Variants in CD2AP observed in about 807,000 individuals in gnomAD.
CD2AP encodes the protein CD2-associated protein.
In CD2AP, 46 loss-of-function variants were observed where a neutral mutation model predicts 85.1. That is an observed-to-expected ratio of 0.54 (90% CI 0.43 to 0.69). The LOEUF (loss-of-function observed/expected upper bound fraction) is 0.69, where lower values mean the gene tolerates loss of function less well. Ranked by LOEUF, CD2AP falls within the 30% of genes least tolerant of loss-of-function variation. The probability of loss-of-function intolerance (pLI) is 0.00; values close to 1 mark genes in which losing one functional copy is unlikely to be tolerated. For missense variants in CD2AP, 769 were observed against 729.5 expected, an observed-to-expected ratio of 1.05 and a Z score of -0.62; for synonymous variants, 255 against 252.9, an observed-to-expected ratio of 1.01 and a Z score of -0.08.
chr6:47,626,075 A>G lies in CD2AP; in HGVS notation c.*1848A>G, dbSNP rs893602464. On this transcript the variant is annotated 3_prime_UTR_variant, in exon 18 of 18. Coordinates refer to ENST00000359314, the MANE Select transcript of CD2AP (RefSeq NM_012120.3). Reference sequence around the variant, plus strand: ...CTCCAGCTTTCTCACCTGAAAATCTATTGAAGTGATCCCTGGTCATCCTAA... The same window carrying G: ...CTCCAGCTTTCTCACCTGAAAATCTGTTGAAGTGATCCCTGGTCATCCTAA... 10 of 151,930 alleles carry G rather than the reference A, an allele frequency of 6.6e-5. No homozygotes were observed. Among genetic ancestry groups the G allele is most frequent in the African/African-American group, 9.7e-5 (4 of 41,424 alleles). 9.4% of individuals were successfully genotyped at this position (151,930 alleles called of 1,614,324 possible).
At chr6:47,606,345 G>A (rs1769270165) in intron 14 of CD2AP, 68 bp downstream of exon 14, 7 of 909,206 alleles carry the variant, frequency 7.7e-6, no homozygotes, top group South Asian at 5.3e-5. Context: ...GAAGATAGAG[G>A]ACTTATAGCT....
In CD2AP at chr6:47,505,443, C is replaced by G. The variant is rs77900302; in HGVS notation, c.165+2003C>G. 6.0e-5 allele frequency among the ~76,000 whole-genome samples: 9 copies of G among 150,818 alleles called. No individual in the cohort carries two copies. In the South Asian group the frequency reaches 8.5e-4, roughly 14 times the overall value. On this transcript the variant is annotated intron_variant, in intron 2 of 17. Transcript: ENST00000359314. ...ATGTCTACCTCTTTCTACACAGACA[C>G]GGCAACCATCCGATTTCTCAATCTC...
rs1379049104 is a variant in CD2AP, at chr6:47,609,180, C to T, written c.1690C>T (p.Leu564=). ...TTCTAAAGCAAATACAACTGCTTTCCTGACTCCATTAGAAATCAAAGCTAA... is the reference window on the plus strand; with the variant it reads ...TTCTAAAGCAAATACAACTGCTTTCTTGACTCCATTAGAAATCAAAGCTAA... ...SASKANTTAF[L]TPLEIKAKVE... The change falls in exon 16 of 18, where the codon CTG becomes TTG. Residue 564 remains leucine (L), a synonymous_variant. Coordinates refer to ENST00000359314, the MANE Select transcript of CD2AP (RefSeq NM_012120.3). The T allele has an allele frequency of 3.1e-6, 5 of 1,613,134 alleles. No homozygotes were observed. The African/African-American group carries it at 4.0e-5, about 13-fold the overall frequency.
chr6:47,517,893 T>C (rs971932801), intron 2 of CD2AP, among the ~76,000 whole-genome samples: 3 of 152,206 alleles, frequency 2.0e-5, no homozygotes, highest in African/African-American at 7.2e-5. Context: ...AGATGATGTA[T>C]TAAGCGTTTA....
At position 47,529,198 on chromosome 6, in the gene CD2AP, C is replaced by G. The variant is rs939847051; in HGVS notation, c.166-4404C>G. Among the ~76,000 whole-genome samples, 56 of 84,556 alleles carry G rather than the reference C, an allele frequency of 6.6e-4. 1 individual carries two copies. Among genetic ancestry groups the G allele is most frequent in the Admixed American group, 2.0e-3 (18 of 9,148 alleles). 55.5% of individuals were successfully genotyped at this position (84,556 alleles called of 152,430 possible). On this transcript the variant is annotated intron_variant, in intron 2 of 17. Transcript: ENST00000359314. Reference sequence around the variant, plus strand: ...CTCTAGTACTGCCCCCCCCCCCCCCCCCAACTTATTGCACTATGGCAGCAT... The same window carrying G: ...CTCTAGTACTGCCCCCCCCCCCCCCGCCAACTTATTGCACTATGGCAGCAT...
intron 17 of CD2AP, 61 bp downstream of exon 17, chr6:47,612,597 A>G (rs1769474775): frequency 1.7e-6 from 2 of 1,172,154 alleles, no homozygotes; most frequent in African/African-American, 1.5e-5. Flanking sequence ...GTTTTTCCCA[A>G]CCCAACTGGG....
At chr6:47,552,299 C>G (rs1298641531) in intron 4 of CD2AP, among the ~76,000 whole-genome samples, 1 of 151,552 alleles carries the variant, frequency 6.6e-6, no homozygotes, top group African/African-American at 2.4e-5. Context: ...CTTGCCACCC[C>G]CATTCTTTCC....
At position 47,569,301 on chromosome 6, in the gene CD2AP, A is replaced by G. The variant is rs188715589; in HGVS notation, c.542-4763A>G. Among the ~76,000 whole-genome samples the G allele has an allele frequency of 2.5e-3, 381 of 152,220 alleles. 1 individual carries two copies. The highest frequency in any genetic ancestry group is 8.5e-3 in the African/African-American group (352 of 41,558). On this transcript the variant is annotated intron_variant, in intron 5 of 17. Coordinates refer to ENST00000359314, the MANE Select transcript of CD2AP (RefSeq NM_012120.3). Reference sequence around the variant, plus strand: ...AGAATTTATCCAGAAGGTGGAGGAAATGCGTTTCACATTATGGCTATTATG... The same window carrying G: ...AGAATTTATCCAGAAGGTGGAGGAAGTGCGTTTCACATTATGGCTATTATG...
intron 2 of CD2AP, among the ~76,000 whole-genome samples, chr6:47,512,412 T>C: frequency 6.6e-6 from 1 of 152,202 alleles, no homozygotes. Flanking sequence ...ATGGTGGAAC[T>C]AGGCTTCTTG....
chr6:47,561,327 T>C (rs1420529682), intron 5 of CD2AP, among the ~76,000 whole-genome samples: 1 of 152,200 alleles, frequency 6.6e-6, no homozygotes, highest in Non-Finnish European at 1.5e-5. Context: ...TGGTTTGTCA[T>C]TATGGATTAG....
In CD2AP at chr6:47,505,629, C is replaced by T. The variant is rs1385537543; in HGVS notation, c.165+2189C>T. On this transcript the variant is annotated intron_variant, in intron 2 of 17. Transcript: ENST00000359314. ...GCTGGCCGGGCGGGGGGGGCTGACC[C>T]CCCCCACCTCCCTCCCGGACGGGGC... Among the ~76,000 whole-genome samples the T allele has an allele frequency of 1.0e-4, 13 of 125,100 alleles. 1 individual carries two copies. The highest frequency in any genetic ancestry group is 3.7e-4 in the African/African-American group (13 of 34,984). 82.1% of individuals were successfully genotyped at this position (125,100 alleles called of 152,430 possible). A position where few individuals can be genotyped will look rare whatever the true frequency, so the allele number is the denominator to read the frequency against.
At chr6:47,528,449 A>G (rs1203629652) in intron 2 of CD2AP, among the ~76,000 whole-genome samples, 1 of 152,236 alleles carries the variant, frequency 6.6e-6, no homozygotes, top group East Asian at 1.9e-4. Context: ...TGCTGGGATT[A>G]TAGGCATGAA....
chr6:47,614,130 A>G lies in CD2AP; in HGVS notation c.1878+1594A>G, dbSNP rs943163479. 2.6e-5 allele frequency among the ~76,000 whole-genome samples: 4 copies of G among 152,238 alleles called. No homozygotes were observed. In the South Asian group the frequency reaches 8.3e-4, roughly 31 times the overall value. On this transcript the variant is annotated intron_variant, in intron 17 of 17. Coordinates refer to ENST00000359314, the MANE Select transcript of CD2AP (RefSeq NM_012120.3). ...ACTCAAACTTTCCTTCATATCAACA[A>G]TAAGGCTGTTAAGTTTTCTTATTAT...
intron 3 of CD2AP, among the ~76,000 whole-genome samples, chr6:47,537,839 T>A (rs1419137117): frequency 6.6e-6 from 1 of 151,980 alleles, no homozygotes; most frequent in Non-Finnish European, 1.5e-5. Flanking sequence ...TGGAGTTCAT[T>A]GGCACAATCT....
In CD2AP at chr6:47,624,392, T is replaced by C. The variant is rs1769847835; in HGVS notation, c.*165T>C. On this transcript the variant is annotated 3_prime_UTR_variant, in exon 18 of 18. Transcript: ENST00000359314. ...TAGAGTGAGGGTGAATTTATATATA[T>C]ATTTTGTTTTGCCAATATGAAGAAA... 1.7e-6 allele frequency: 1 copy of C among 594,116 alleles called. No homozygotes were observed. Among genetic ancestry groups the C allele is most frequent in the East Asian group, 2.8e-5 (1 of 35,136 alleles). The allele number at this position is 594,116 out of a possible 1,614,324, so 36.8% of individuals were successfully genotyped here.
At chr6:47,578,344 C>T (rs775236012) in intron 8 of CD2AP, among the ~76,000 whole-genome samples, 11 of 151,952 alleles carry the variant, frequency 7.2e-5, no homozygotes, top group South Asian at 4.2e-4. Flanking sequence ...GAGACTACTA[C>T]AGTTGCATCC....
chr6:47,613,265 G>A (rs371605110), intron 17 of CD2AP, among the ~76,000 whole-genome samples: 4 of 152,060 alleles, frequency 2.6e-5, no homozygotes, highest in Non-Finnish European at 5.9e-5. Context: ...TTTTCCAAAT[G>A]GTTTTCAGTT....
intron 1 of CD2AP, among the ~76,000 whole-genome samples, chr6:47,502,229 G>A (rs1476764935): frequency 6.6e-6 from 1 of 152,184 alleles, no homozygotes; most frequent in East Asian, 1.9e-4. Context: ...TGTCTTCAAA[G>A]CGAGCAAGGG....
At chr6:47,607,695 T>C (rs1769312695) in intron 14 of CD2AP, among the ~76,000 whole-genome samples, 1 of 152,080 alleles carries the variant, frequency 6.6e-6, no homozygotes, top group African/African-American at 2.4e-5. Context: ...ACTTTTAAAA[T>C]TACCTAAATG....
Sources: gnomAD v4.1 joint callset for allele counts (sites outside exome capture counted in the v4.1 genomes callset) on GRCh38, gnomAD v4.1.1 for gene constraint, MANE v1.5 for transcripts, NCBI Gene and HGNC (gene_info 2026-07-23, HGNC 2026-07-21) for gene names.